Variants in SLC35A2 observed in about 807,000 individuals in gnomAD.
SLC35A2 encodes UDP-galactose translocator.
In SLC35A2, 1 loss-of-function variant was observed where a neutral mutation model predicts 17.3. The ratio of observed to expected loss-of-function variants is 0.06; its 90% CI spans 0.02 to 0.27. The LOEUF is 0.27. Ranked by LOEUF, SLC35A2 falls within the 10% of genes least tolerant of loss-of-function variation. The pLI is 1.00. For missense variants in SLC35A2, 191 were observed against 339.3 expected, an observed-to-expected ratio of 0.56 and a Z score of 3.43; for synonymous variants, 161 against 161.3, an observed-to-expected ratio of 1.00 and a Z score of 0.01.
chrX:48,908,712 G>A (rs1484134997), intron 2 of SLC35A2, among the ~76,000 whole-genome samples: 2 of 111,891 alleles, frequency 1.8e-5, no homozygotes, highest in African/African-American at 3.3e-5. Flanking sequence ...CTACCCCCAC[G>A]GCCTGAGGCA....
intron 3 of SLC35A2, chrX:48,905,978 C>T (rs1224690119): frequency 3.0e-6 from 1 of 331,918 alleles, no homozygotes; most frequent in Admixed American, 5.5e-5. Flanking sequence ...ACTGTAAGCC[C>T]CAATTTAAAG....
rs782316882 is a variant in SLC35A2 at position 48,904,691 on chromosome X, TC to T, written c.1163+54del. The T allele has an allele frequency of 1.1e-4, 127 of 1,206,652 alleles. No homozygotes were observed. Among genetic ancestry groups the T allele is most frequent in the Non-Finnish European group, 1.4e-4 (122 of 893,093 alleles). ...AGATGCCCAACACCCTCCACCCCAGTCCCCCTCCCTTGTGTCCCCCCATTGC... is the reference window on the plus strand; with the variant it reads ...AGATGCCCAACACCCTCCACCCCAGTCCCCTCCCTTGTGTCCCCCCATTGC... On this transcript the variant is annotated intron_variant, in intron 4 of 4. Coordinates refer to ENST00000247138, the MANE Select transcript of SLC35A2 (RefSeq NM_005660.3).
chrX:48,906,065 T>C, intron 3 of SLC35A2: 1 of 401,463 alleles, frequency 2.5e-6, no homozygotes, highest in East Asian at 4.2e-5. Context: ...GAGCTGAGAT[T>C]TGAACCCAGA....
rs370782261 is a variant in SLC35A2, at chrX:48,910,285, G to A, written c.92-289C>T. ...AATGGCTGAGGCAAACCCTGGCCAC[G>A]CGCCTCGGCTTCCTCCCAAGTGAGA... On this transcript the variant is annotated intron_variant, in intron 1 of 4. Transcript: ENST00000247138. 7.0e-6 allele frequency: 8 copies of A among 1,140,965 alleles called. No homozygotes were observed. In the East Asian group the frequency reaches 1.6e-4, roughly 23 times the overall value. The allele number at this position is 1,140,965 out of a possible 1,213,427, so 94.0% of individuals were successfully genotyped here.
chrX:48,911,418 G>GCACACACACA (rs3066479), intron 1 of SLC35A2, 128 bp downstream of exon 1: 2 of 753,650 alleles, frequency 2.7e-6, no homozygotes, highest in South Asian at 4.9e-5. Context: ...CTGACAATGT[G>GCACACACACA]CACACACACA....
In SLC35A2 at chrX:48,911,282, A is replaced by G. The variant is rs2063531414; in HGVS notation, c.91+264T>C. Among the ~76,000 whole-genome samples, 7 of 111,257 alleles carry G rather than the reference A, an allele frequency of 6.3e-5. No individual in the cohort carries two copies. In the South Asian group the frequency reaches 2.7e-3, roughly 43 times the overall value. On this transcript the variant is annotated intron_variant, in intron 1 of 4. Transcript: ENST00000247138. ...CACGGAAGGACTCCACATATTCAGA[A>G]TGGTTTCGGTGGCCTTAGCCTTCCC... is the stretch of plus-strand genomic sequence containing the variant.
At chrX:48,908,248 T>G (rs1268139748) in intron 2 of SLC35A2, among the ~76,000 whole-genome samples, 1 of 107,252 alleles carries the variant, frequency 9.3e-6, no homozygotes, top group Non-Finnish European at 1.9e-5. Flanking sequence ...CCCTAGTAGC[T>G]GGGATTACAG....
chrX:48,911,612 A>C lies in SLC35A2; in HGVS notation c.25T>G (p.Ser9Ala). The change falls in exon 1 of 5, where the codon TCC becomes GCC. Residue 9 changes from serine to alanine, a missense_variant. Ser to Ala is a moderately conservative substitution (Grantham distance 99). Around this residue, in one of 2 missense-constraint regions of SLC35A2, gnomAD observed 27 missense variants for 24.0 expected, o/e 1.12. Coordinates refer to ENST00000247138, the MANE Select transcript of SLC35A2 (RefSeq NM_005660.3). Reference protein sequence around the residue: MAAVGAGGSTAAPGPGAVS... With the variant: MAAVGAGGATAAPGPGAVS... The stretch of plus-strand genomic sequence containing the variant: ...GCCCCTGGCCCGGGCGCCGCGGTGG[A>C]ACCACCAGCCCCAACCGCTGCCATG... 8.6e-7 allele frequency: 1 copy of C among 1,164,385 alleles called. No individual in the cohort carries two copies. Among genetic ancestry groups the C allele is most frequent in the Non-Finnish European group, 1.1e-6 (1 of 874,789 alleles).
At chrX:48,904,455 C>T (rs1557042486) in intron 4 of SLC35A2, 1 of 1,095,948 alleles carries the variant, frequency 9.1e-7, no homozygotes, top group African/African-American at 1.9e-5. Flanking sequence ...AATGACAATA[C>T]CCCCAACCCT....
In SLC35A2 at chrX:48,905,042, G is replaced by A; in HGVS notation, c.867C>T (p.Val289=). The A allele has an allele frequency of 8.3e-7, 1 of 1,210,708 alleles. No homozygotes were observed. Among genetic ancestry groups the A allele is most frequent in the Non-Finnish European group, 1.1e-6 (1 of 894,733 alleles). Residue 289 remains valine, a synonymous_variant, in exon 4 of 5, where the codon GTC becomes GTT. Coordinates refer to ENST00000247138, the MANE Select transcript of SLC35A2 (RefSeq NM_005660.3). ...CCTTGAGGATATTGTCAGCGTACTT[G>A]ACAACCACAGCCACCAGTAGCCCGC... ...AFGGLLVAVV[V]KYADNILKGF...
upstream of SLC35A2, chrX:48,911,839 G>T: frequency 8.6e-7 from 1 of 1,167,198 alleles, no homozygotes; most frequent in South Asian, 1.9e-5. Context: ...CCGGGGACAC[G>T]GCCCGATCGG....
At chrX:48,908,151 T>A (rs782521379) in intron 2 of SLC35A2, among the ~76,000 whole-genome samples, 2 of 107,073 alleles carry the variant, frequency 1.9e-5, no homozygotes, top group South Asian at 8.7e-4. Context: ...AGTCTTGCTC[T>A]GTCGCCCAGG....
intron 4 of SLC35A2, chrX:48,904,398 G>T (rs1167335075): frequency 5.5e-6 from 6 of 1,084,883 alleles, no homozygotes; most frequent in South Asian, 2.5e-5. Context: ...GAAACCTCCA[G>T]AAGAGGGCAC....
chrX:48,905,491 G>A lies in SLC35A2; in HGVS notation c.427-9C>T. ...TTCAGCTGGTATGTCACCTGCGAGT[G>A]GCACGTGGAAGGCACTGAGGGCTGA... On this transcript the variant is annotated splice_polypyrimidine_tract_variant and intron_variant, in intron 3 of 4. Transcript: ENST00000247138. 2 of 1,138,510 alleles carry A rather than the reference G, an allele frequency of 1.8e-6. No individual in the cohort carries two copies. The highest frequency in any genetic ancestry group is 2.3e-6 in the Non-Finnish European group (2 of 864,096). 93.8% of individuals were successfully genotyped at this position (1,138,510 alleles called of 1,213,427 possible). A position where few individuals can be genotyped will look rare whatever the true frequency, so the allele number is the denominator to read the frequency against.
intron 1 of SLC35A2, 23 bp from the exon 2 acceptor site, chrX:48,910,019 G>A: frequency 8.4e-7 from 1 of 1,184,482 alleles, no homozygotes; most frequent in Non-Finnish European, 1.1e-6. Context: ...GAAGGGGCAA[G>A]GGGGAAGGAC....
At chrX:48,907,508 A>G (rs1775051784) in intron 2 of SLC35A2, among the ~76,000 whole-genome samples, 1 of 111,198 alleles carries the variant, frequency 9.0e-6, no homozygotes, top group African/African-American at 3.3e-5. Flanking sequence ...CGGCCTCCCA[A>G]AGTTCTGGGA....
At chrX:48,905,562 GCC>G in intron 3 of SLC35A2, 80 bp from the exon 4 acceptor site, 1 of 949,685 alleles carries the variant, frequency 1.1e-6, no homozygotes, top group Non-Finnish European at 1.4e-6. Context: ...CCCACTGTGG[GCC>G]CCCAGGCACA....
chrX:48,904,672 C>T, intron 4 of SLC35A2, 74 bp downstream of exon 4: 1 of 1,209,700 alleles, frequency 8.3e-7, no homozygotes, highest in Non-Finnish European at 1.1e-6. Flanking sequence ...CTGCAGATGC[C>T]CAACACCCTC....
intron 3 of SLC35A2, chrX:48,906,000 A>G (rs1273955134): frequency 8.6e-6 from 3 of 347,844 alleles, no homozygotes; most frequent in Non-Finnish European, 1.5e-5. Flanking sequence ...TGAGAAAACT[A>G]AGGCACAGAG....
Sources: gnomAD v4.1 joint callset for allele counts (sites outside exome capture counted in the v4.1 genomes callset) on GRCh38, gnomAD v4.1.1 for gene constraint, gnomAD v4.1.1 regional missense constraint, MANE v1.5 for transcripts, NCBI Gene and HGNC (gene_info 2026-07-23, HGNC 2026-07-21) for gene names.